The following PC variants were observed in gnomAD, a reference collection of about 807,000 sequenced individuals.
The protein encoded by PC is pyruvate carboxylase, also known as pyruvate carboxylase, mitochondrial.
In PC, 46 loss-of-function variants were observed where a neutral mutation model predicts 107.8. The ratio of observed to expected loss-of-function variants is 0.43; its 90% confidence interval spans 0.34 to 0.55. The LOEUF (loss-of-function observed/expected upper bound fraction) is 0.55, where lower values mean the gene tolerates loss of function less well. PC is among the 20% of genes least tolerant of loss of function. PC has a pLI of 0.04. For missense variants in PC, 1,241 were observed against 1,643.1 expected (o/e 0.76, Z 4.23); for synonymous variants, 662 against 684.7 (o/e 0.97, Z 0.52).
chr11:66,881,967 C>A (rs997463500), intron 3 of PC, among the ~76,000 whole-genome samples: 6 of 152,034 alleles, frequency 3.9e-5, no homozygotes, highest in Non-Finnish European at 7.4e-5. Context: ...AATACCAAAA[C>A]CAAAAACCCC....
rs1949506619 is a variant in PC, at chr11:66,954,294, TAG to T, written c.-87_-86del. On this transcript the variant is annotated 5_prime_UTR_variant, in exon 2 of 23. The change abolishes the stop of an existing upstream ORF in the 5' untranslated region. Transcript: ENST00000393960. ...AAGAGCCCAACAGGTGGAATCATAT[TAG>T]AGAGTCTTGAACGCCAAGATGAAGC... The T allele has an allele frequency of 6.6e-6, 1 of 152,218 alleles. No individual in the cohort carries two copies. Among genetic ancestry groups the T allele is most frequent in the African/African-American group, 2.4e-5 (1 of 41,440 alleles). The allele number at this position is 152,218 out of a possible 1,614,324, so 9.4% of individuals were successfully genotyped here.
chr11:66,898,141 T>G (rs1429052177), intron 3 of PC, among the ~76,000 whole-genome samples: 1 of 152,186 alleles, frequency 6.6e-6, no homozygotes, highest in Non-Finnish European at 1.5e-5. Flanking sequence ...AATTAAGATT[T>G]TCTTCTGGAG....
intron 3 of PC, among the ~76,000 whole-genome samples, chr11:66,884,195 G>A (rs539387633): frequency 6.7e-5 from 10 of 150,230 alleles, no homozygotes; most frequent in African/African-American, 2.2e-4. Context: ...GGTGGGCTGA[G>A]ATCGTGCTAT....
intron 3 of PC, among the ~76,000 whole-genome samples, chr11:66,911,317 T>G (rs1948327946): frequency 6.6e-6 from 1 of 151,954 alleles, no homozygotes; most frequent in Non-Finnish European, 1.5e-5. Flanking sequence ...CTGTTACCAG[T>G]GCTGTGCCAA....
Position 66,849,873 on chromosome 11 carries a change from C to G in PC, c.2899-14G>C, listed in dbSNP as rs1945364245. On this transcript the variant is annotated splice_polypyrimidine_tract_variant and intron_variant, in intron 20 of 22. Coordinates refer to ENST00000393960, the MANE Select transcript of PC (RefSeq NM_001040716.2). Reference sequence around the variant, plus strand: ...GTCCTTCAGTACCTGGGGAGCAAAGCAGAGGATCAGTCCCAAGTCCTGCAT... The same window carrying G: ...GTCCTTCAGTACCTGGGGAGCAAAGGAGAGGATCAGTCCCAAGTCCTGCAT... 2 of 1,613,564 alleles carry G rather than the reference C, an allele frequency of 1.2e-6. No individual in the cohort carries two copies. Among genetic ancestry groups the G allele is most frequent in the African/African-American group, 2.7e-5 (2 of 74,944 alleles).
Position 66,862,698 on chromosome 11 carries a change from C to T in PC, c.1368+1076G>A, listed in dbSNP as rs911832248. On this transcript the variant is annotated intron_variant, in intron 12 of 22. Transcript: ENST00000393960. ...CAAAGGCCGAGGCGGCATTTCCTGG[C>T]TGTGGATTCCTCTCTAGCTACAGAC... Among the ~76,000 whole-genome samples the T allele has an allele frequency of 8.5e-5, 13 of 152,234 alleles. 2 individuals are homozygous for T. The highest frequency in any genetic ancestry group is 7.8e-4 in the Admixed American group (12 of 15,290).
chr11:66,913,730 G>A (rs541499428), intron 3 of PC, among the ~76,000 whole-genome samples: 7 of 152,016 alleles, frequency 4.6e-5, no homozygotes, highest in Admixed American at 2.6e-4. Flanking sequence ...GCCCCAGGAC[G>A]ACTCCACAGA....
At chr11:66,859,917 G>T (rs752315580) in intron 12 of PC, 9 of 1,583,648 alleles carry the variant, frequency 5.7e-6, no homozygotes, top group Middle Eastern at 1.9e-4. Context: ...GGGCCGGGGG[G>T]CCGGAAATGG....
rs747078428 is a variant in PC at position 66,858,897 on chromosome 11, G to A, written c.1368+4877C>T. The A allele has an allele frequency of 1.4e-5, 22 of 1,562,188 alleles. No individual in the cohort carries two copies. Among genetic ancestry groups the A allele is most frequent in the African/African-American group, 4.1e-5 (3 of 73,516 alleles). ...CAGCAGTGCCGAGGGGGGCCGCCCC[G>A]GGCCCTCGGACATCGCCGCCTCCGC... On this transcript the variant is annotated intron_variant, in intron 12 of 22. Coordinates refer to ENST00000393960, the MANE Select transcript of PC (RefSeq NM_001040716.2). This position sits in a 1 kb window ranked among gnomAD's most constrained non-coding sequence, Gnocchi z 5.9.
At chr11:66,920,987 G>GAGATCTCC (rs1192189632) in intron 3 of PC, among the ~76,000 whole-genome samples, 1 of 150,758 alleles carries the variant, frequency 6.6e-6, no homozygotes, top group Non-Finnish European at 1.5e-5. Context: ...GCAGTGAGCC[G>GAGATCTCC]AGATCTCCAG....
chr11:66,948,613 G>T (rs1357796667), intron 3 of PC, among the ~76,000 whole-genome samples: 1 of 152,202 alleles, frequency 6.6e-6, no homozygotes, highest in East Asian at 1.9e-4. Flanking sequence ...GCCAAGGCGG[G>T]CTGATTGCTT....
In PC at chr11:66,848,444, G is replaced by A. The variant is rs1945281882; in HGVS notation, c.*455C>T. On this transcript the variant is annotated 3_prime_UTR_variant, in exon 23 of 23. Coordinates refer to ENST00000393960, the MANE Select transcript of PC (RefSeq NM_001040716.2). ...CTGAGGAGAACGACACAACTGACCT[G>A]CCCACCCATGGGGAGCTTGAAAGGC... is the stretch of plus-strand genomic sequence containing the variant. The A allele has an allele frequency of 1.9e-6, 1 of 526,722 alleles. No individual in the cohort carries two copies. Among genetic ancestry groups the A allele is most frequent in the Non-Finnish European group, 3.3e-6 (1 of 301,076 alleles). 32.6% of individuals were successfully genotyped at this position (526,722 alleles called of 1,614,324 possible).
At position 66,848,727 on chromosome 11, in the gene PC, G is replaced by A. The variant is rs1479309035; in HGVS notation, c.*172C>T. On this transcript the variant is annotated 3_prime_UTR_variant, in exon 23 of 23. Transcript: ENST00000393960. ...GCAGCTGTCCGCCGGAGGAAAGGAC[G>A]ATGGCTGAAAGGAATGAACCACCGC... The A allele has an allele frequency of 9.3e-6, 7 of 751,544 alleles. No individual in the cohort carries two copies. The highest frequency in any genetic ancestry group is 2.3e-5 in the Admixed American group (1 of 43,830). 46.6% of individuals were successfully genotyped at this position (751,544 alleles called of 1,614,324 possible). A position where few individuals can be genotyped will look rare whatever the true frequency, so the allele number is the denominator to read the frequency against.
chr11:66,955,762 CT>C (rs1949545890), intron 1 of PC, among the ~76,000 whole-genome samples: 2 of 149,134 alleles, frequency 1.3e-5, no homozygotes, highest in African/African-American at 5.1e-5. Flanking sequence ...CCCTGTCTGC[CT>C]TTTGGGCTTT....
intron 3 of PC, among the ~76,000 whole-genome samples, chr11:66,899,997 A>G (rs915203233): frequency 2.6e-5 from 4 of 151,768 alleles, no homozygotes; most frequent in African/African-American, 9.7e-5. Flanking sequence ...TGAAAAGACT[A>G]TTCTTTCCCC....
At chr11:66,908,612 G>C (rs1221215492) in intron 3 of PC, among the ~76,000 whole-genome samples, 3 of 152,146 alleles carry the variant, frequency 2.0e-5, no homozygotes, top group Non-Finnish European at 2.9e-5. Flanking sequence ...CTCCTTGGAG[G>C]AGGCACAGTC....
rs1302126504 is a variant in PC at position 66,870,703 on chromosome 11, G to A, written c.751+72C>T. On this transcript the variant is annotated intron_variant, in intron 8 of 22. Transcript: ENST00000393960. This position sits in a 1 kb window ranked among gnomAD's most constrained non-coding sequence, Gnocchi z 6.1. The stretch of plus-strand genomic sequence containing the variant: ...AGGGCTGTCCCCAAGGCCAGCCACT[G>A]TGACGGCACCAGGACTGGGCCTCTC... 8 of 1,442,842 alleles carry A rather than the reference G, an allele frequency of 5.5e-6. No homozygotes were observed. The highest frequency in any genetic ancestry group is 2.8e-5 in the African/African-American group (2 of 71,768). 89.4% of individuals were successfully genotyped at this position (1,442,842 alleles called of 1,614,324 possible).
chr11:66,941,828 C>A (rs1006136746), intron 3 of PC, among the ~76,000 whole-genome samples: 1 of 152,054 alleles, frequency 6.6e-6, no homozygotes, highest in African/African-American at 2.4e-5. Flanking sequence ...TCCGGCCAGG[C>A]GCAGTGGCTC....
chr11:66,957,275 G>A (rs1331859475), intron 1 of PC, among the ~76,000 whole-genome samples: 1 of 152,206 alleles, frequency 6.6e-6, no homozygotes, highest in Non-Finnish European at 1.5e-5. Context: ...CTCAGCTGGA[G>A]AACGGGTAAG....
Sources: allele counts gnomAD v4.1 joint callset (sites outside exome capture counted in the v4.1 genomes callset), GRCh38; gene constraint gnomAD v4.1.1; non-coding constraint Gnocchi (gnomAD v3.1); transcripts MANE v1.5; gene names NCBI Gene and HGNC (gene_info 2026-07-23, HGNC 2026-07-21).